The following WASF3 variants were observed in gnomAD, a reference collection of about 807,000 sequenced individuals.
WASF3 encodes the protein WASP family member 3, also known as actin-binding protein WASF3.
WASF3 carries 11 observed loss-of-function variants against 46.6 expected under a neutral mutation model. That is an observed-to-expected ratio of 0.24 (90% CI 0.15 to 0.39). WASF3 has a LOEUF of 0.39. Among genes scored for constraint, WASF3 ranks in the 10% least tolerant of loss-of-function variants. The pLI is 1.00. For synonymous variants in WASF3, 242 were observed against 259.7 expected (o/e 0.93, Z 0.65); for missense variants, 576 against 669.8 (o/e 0.86, Z 1.55).
intron 1 of WASF3, among the ~76,000 whole-genome samples, chr13:26,600,214 A>C (rs1385932298): frequency 1.3e-5 from 2 of 152,224 alleles, no homozygotes; most frequent in Non-Finnish European, 2.9e-5. Flanking sequence ...AGCTGTCTTT[A>C]CAGCAAGATT....
At chr13:26,608,682 G>C (rs553173162) in intron 1 of WASF3, among the ~76,000 whole-genome samples, 9 of 152,148 alleles carry the variant, frequency 5.9e-5, no homozygotes, top group Non-Finnish European at 1.0e-4. Context: ...GTGCGGAACC[G>C]TTGTAGCAAT....
chr13:26,684,429 A>C (rs918424556), intron 9 of WASF3, among the ~76,000 whole-genome samples: 1 of 150,132 alleles, frequency 6.7e-6, no homozygotes, highest in African/African-American at 2.5e-5. Flanking sequence ...GTAAAACACA[A>C]AGACTGTGAA....
intron 2 of WASF3, chr13:26,640,397 TC>T (rs1206748394): frequency 1.4e-5 from 2 of 146,218 alleles, no homozygotes; most frequent in Non-Finnish European, 3.1e-5. Flanking sequence ...ATTTATCATC[TC>T]TTTTTTTTTC....
chr13:26,673,990 A>G (rs1882992476), intron 6 of WASF3, among the ~76,000 whole-genome samples: 1 of 152,056 alleles, frequency 6.6e-6, no homozygotes, highest in Admixed American at 6.6e-5. Context: ...GGGGCAGATG[A>G]GGTGGCGTGC....
At chr13:26,661,003 G>C (rs1882613112) in intron 3 of WASF3, among the ~76,000 whole-genome samples, 2 of 152,182 alleles carry the variant, frequency 1.3e-5, no homozygotes, top group Admixed American at 1.3e-4. Flanking sequence ...CTTTTTAACA[G>C]CCAGCTCTCA....
intron 2 of WASF3, among the ~76,000 whole-genome samples, chr13:26,623,055 G>T (rs1881356249): frequency 6.6e-6 from 1 of 152,184 alleles, no homozygotes; most frequent in African/African-American, 2.4e-5. Flanking sequence ...GCAGAGCACA[G>T]GGGGAACAGG....
intron 1 of WASF3, among the ~76,000 whole-genome samples, chr13:26,594,905 G>A (rs4770998): frequency 0.83 from 126,407 of 152,162 alleles, 52,534 homozygotes; most frequent in East Asian, 0.9. Flanking sequence ...TCAGTTGTTC[G>A]TTTAACATTC....
chr13:26,562,842 C>CCCTCCACTCCCCTCT (rs1879335125), intron 1 of WASF3, among the ~76,000 whole-genome samples: 1 of 54,232 alleles, frequency 1.8e-5, no homozygotes, highest in Non-Finnish European at 3.8e-5. Context: ...TGATTTCCTC[C>CCCTCCACTCCCCTCT]CCTCCCCTCC....
At chr13:26,578,033 A>G (rs187809721) in intron 1 of WASF3, among the ~76,000 whole-genome samples, 82 of 152,234 alleles carry the variant, frequency 5.4e-4, no homozygotes, top group Non-Finnish European at 9.4e-4. Flanking sequence ...TATGTATAGG[A>G]TCATAAAATG....
chr13:26,683,907 T>C (rs1288284155), intron 9 of WASF3, among the ~76,000 whole-genome samples: 2 of 152,160 alleles, frequency 1.3e-5, no homozygotes, highest in Non-Finnish European at 2.9e-5. Context: ...CCCAGGTTGG[T>C]CGAGGGTCCC....
chr13:26,566,098 A>G (rs978315872), intron 1 of WASF3, among the ~76,000 whole-genome samples: 2 of 152,120 alleles, frequency 1.3e-5, no homozygotes, highest in Non-Finnish European at 2.9e-5. Flanking sequence ...TTCTTAGGCT[A>G]TTTTGTTTCT....
intron 3 of WASF3, among the ~76,000 whole-genome samples, chr13:26,654,031 A>G (rs1340949912): frequency 6.6e-6 from 1 of 152,164 alleles, no homozygotes; most frequent in African/African-American, 2.4e-5. Flanking sequence ...GACGTCAGTC[A>G]TCTTCAAAAT....
intron 5 of WASF3, among the ~76,000 whole-genome samples, chr13:26,669,215 T>C: frequency 7.0e-6 from 1 of 143,100 alleles, no homozygotes; most frequent in African/African-American, 2.6e-5. Flanking sequence ...ACTTTTTTTT[T>C]TTTTTTTTTT....
intron 1 of WASF3, among the ~76,000 whole-genome samples, chr13:26,590,605 G>A (rs1880261567): frequency 6.6e-6 from 1 of 152,166 alleles, no homozygotes; most frequent in African/African-American, 2.4e-5. Flanking sequence ...CCAAGGGAGG[G>A]CACACAGAGA....
At chr13:26,553,031 C>A (rs1364697743), upstream of WASF3, among the ~76,000 whole-genome samples, 1 of 152,154 alleles carries the variant, frequency 6.6e-6, no homozygotes, top group East Asian at 1.9e-4. Context: ...AAAGATGGCA[C>A]AATTCAAGAG....
chr13:26,669,335 C>CCAAGTAG (rs1566069521), intron 5 of WASF3, among the ~76,000 whole-genome samples: 4 of 126,764 alleles, frequency 3.2e-5, no homozygotes, highest in Admixed American at 7.6e-5. Context: ...CCTCAGCCTC[C>CCAAGTAG]TGATATCTTT....
rs1883249616 is a variant in WASF3, at chr13:26,682,112, G to C, written c.984-495G>C. ...AGTTTGGAAGACCCTCGGCTGAATA[G>C]AATTCAGCAGATTTCTTGGCTGTGT... is the stretch of plus-strand genomic sequence containing the variant. On this transcript the variant is annotated intron_variant, in intron 8 of 9. Transcript: ENST00000335327. The surrounding 1 kb of genome is among the most constrained non-coding windows in gnomAD (Gnocchi z 4.4). Among the ~76,000 whole-genome samples, 1 of 152,240 alleles carries C rather than the reference G, an allele frequency of 6.6e-6. No individual in the cohort carries two copies. The highest frequency in any genetic ancestry group is 1.5e-5 in the Non-Finnish European group (1 of 68,046).
intron 2 of WASF3, chr13:26,642,010 T>G (rs1270988556): frequency 1.4e-5 from 3 of 210,816 alleles, no homozygotes; most frequent in Admixed American, 5.9e-5. Flanking sequence ...CTCATTTCAG[T>G]GAAGAGAGAA....
At chr13:26,664,058 G>A (rs1882704525) in intron 3 of WASF3, among the ~76,000 whole-genome samples, 1 of 152,132 alleles carries the variant, frequency 6.6e-6, no homozygotes, top group African/African-American at 2.4e-5. Flanking sequence ...TGGAACACAC[G>A]GAGTTCACAG....
Sources: allele counts gnomAD v4.1 joint callset (sites outside exome capture counted in the v4.1 genomes callset), GRCh38; gene constraint gnomAD v4.1.1; non-coding constraint Gnocchi (gnomAD v3.1); transcripts MANE v1.5; gene names NCBI Gene and HGNC (gene_info 2026-07-23, HGNC 2026-07-21).